UGGT2: variants seen among roughly 807,000 people sequenced by gnomAD.
UGGT2 encodes UDP-glucose:glycoprotein glucosyltransferase 2.
A neutral mutation model predicts 192.1 loss-of-function variants in UGGT2; 180 were observed. That is an observed-to-expected ratio of 0.94 (90% confidence interval 0.83 to 1.06). The LOEUF is 1.06. Among genes scored for constraint, UGGT2 ranks in the 50% least tolerant of loss-of-function variants. The pLI is 0.00. For missense variants in UGGT2, 1,849 were observed against 1,795.7 expected (o/e 1.03, Z -0.54); for synonymous variants, 580 against 591.0 (o/e 0.98, Z 0.27).
chr13:95,812,963 A>G (rs1884652820), intron 38 of UGGT2, among the ~76,000 whole-genome samples: 1 of 152,204 alleles, frequency 6.6e-6, no homozygotes, highest in African/African-American at 2.4e-5. Flanking sequence ...ATTGTATAGT[A>G]TGTGAATTAT....
rs1594513197 is a variant in UGGT2, at chr13:95,986,319, A to G, written c.1031+14T>C. 6.5e-7 allele frequency: 1 copy of G among 1,531,564 alleles called. No individual in the cohort carries two copies. Among genetic ancestry groups the G allele is most frequent in the Non-Finnish European group, 9.0e-7 (1 of 1,110,236 alleles). The allele number at this position is 1,531,564 out of a possible 1,614,324, so 94.9% of individuals were successfully genotyped here. On this transcript the variant is annotated intron_variant, in intron 9 of 38. Coordinates refer to ENST00000376747, the MANE Select transcript of UGGT2 (RefSeq NM_020121.4). ...GAGTTATAGCTGCAATGAAACCTAT[A>G]AACTTTAACATACCTGGCTTTTATG...
At chr13:95,927,833 C>T (rs1320519456) in intron 17 of UGGT2, among the ~76,000 whole-genome samples, 1 of 152,008 alleles carries the variant, frequency 6.6e-6, no homozygotes, top group Non-Finnish European at 1.5e-5. Flanking sequence ...TGTTTGTGTC[C>T]CTGGGTACTT....
intron 27 of UGGT2, among the ~76,000 whole-genome samples, chr13:95,881,881 A>T (rs549001329): frequency 6.6e-6 from 1 of 150,842 alleles, no homozygotes; most frequent in South Asian, 2.1e-4. Context: ...ACACATCTGA[A>T]CTCCAGGTAA....
rs759693898 is a variant in UGGT2 at position 95,970,276 on chromosome 13, GA to G, written c.1185-15del. The stretch of plus-strand genomic sequence containing the variant: ...ATATCCAAAATACTATATATTCAAA[GA>G]AAAAACAGTTTTATTTTGATTTTCC... On this transcript the variant is annotated splice_polypyrimidine_tract_variant and intron_variant, in intron 11 of 38. Coordinates refer to ENST00000376747, the MANE Select transcript of UGGT2 (RefSeq NM_020121.4). 1.4e-5 allele frequency: 22 copies of G among 1,566,004 alleles called. No homozygotes were observed. The highest frequency in any genetic ancestry group is 4.5e-5 in the East Asian group (2 of 44,190).
intron 10 of UGGT2, among the ~76,000 whole-genome samples, chr13:95,982,594 C>T (rs1237908840): frequency 6.6e-6 from 1 of 152,092 alleles, no homozygotes; most frequent in Non-Finnish European, 1.5e-5. Flanking sequence ...TTGTAAAATC[C>T]AGTGCACTCT....
chr13:95,840,723 A>G (rs1278301394), intron 36 of UGGT2, among the ~76,000 whole-genome samples: 1 of 152,206 alleles, frequency 6.6e-6, no homozygotes, highest in African/African-American at 2.4e-5. Flanking sequence ...AGGATGATAA[A>G]TCATTCTACT....
chr13:95,802,959 G>A (rs1202303463), intron 38 of UGGT2, among the ~76,000 whole-genome samples: 2 of 152,068 alleles, frequency 1.3e-5, no homozygotes, highest in South Asian at 2.1e-4. Flanking sequence ...TCAGCCTCCC[G>A]AGTAGCTGGG....
intron 5 of UGGT2, 108 bp downstream of exon 5, chr13:96,013,199 T>A: frequency 8.9e-7 from 1 of 1,119,164 alleles, no homozygotes; most frequent in Non-Finnish European, 1.2e-6. Context: ...TAAAAAAAGT[T>A]AGATAACTAT....
intron 17 of UGGT2, among the ~76,000 whole-genome samples, chr13:95,929,982 G>C (rs947527686): frequency 6.6e-6 from 1 of 152,104 alleles, no homozygotes; most frequent in Non-Finnish European, 1.5e-5. Flanking sequence ...ATTCTAAATG[G>C]TACGAGATGG....
chr13:95,975,924 G>T (rs2050923481), intron 10 of UGGT2, among the ~76,000 whole-genome samples: 1 of 152,074 alleles, frequency 6.6e-6, no homozygotes, highest in African/African-American at 2.4e-5. Flanking sequence ...GGGTAATTGG[G>T]ATATCCATCA....
chr13:95,972,441 A>G, intron 11 of UGGT2, 139 bp downstream of exon 11: 1 of 767,174 alleles, frequency 1.3e-6, no homozygotes, highest in South Asian at 1.9e-5. Context: ...CCATTTTGGT[A>G]GAAGAAAGCT....
intron 10 of UGGT2, among the ~76,000 whole-genome samples, chr13:95,979,755 A>T (rs1350395228): frequency 6.6e-6 from 1 of 152,120 alleles, no homozygotes; most frequent in Admixed American, 6.6e-5. Flanking sequence ...TACACATCCG[A>T]AAAAGGACTA....
At chr13:95,967,442 A>C in intron 12 of UGGT2, among the ~76,000 whole-genome samples, 1 of 142,424 alleles carries the variant, frequency 7.0e-6, no homozygotes, top group East Asian at 2.1e-4. Flanking sequence ...GTGAGCCACC[A>C]CGCCCAGCCC....
In UGGT2 at chr13:95,972,636, A is replaced by G; in HGVS notation, c.1128T>C (p.Asp376=). 6.2e-7 allele frequency: 1 copy of G among 1,613,872 alleles called. No homozygotes were observed. The highest frequency in any genetic ancestry group is 8.5e-7 in the Non-Finnish European group (1 of 1,179,846). Residue 376 remains aspartate, a synonymous_variant, in exon 11 of 39, where the codon GAT becomes GAC. Coordinates refer to ENST00000376747, the MANE Select transcript of UGGT2 (RefSeq NM_020121.4). ...GAAGGCCATTTATAAATAGACGAGCATCGCCTGGCTGAATTTTAAATCTAA... is the reference window on the plus strand; with the variant it reads ...GAAGGCCATTTATAAATAGACGAGCGTCGCCTGGCTGAATTTTAAATCTAA... The part of the protein sequence containing the change: ...LQVRFKIQPG[D]ARLFINGLRV...
chr13:95,856,282 C>T lies in UGGT2; in HGVS notation c.3884G>A (p.Arg1295Lys). Reference protein sequence around the residue: ...YGFRYELVQYRWPRWLRQQTE... With the variant: ...YGFRYELVQYKWPRWLRQQTE... ...CTGTTGACGAAGCCAACGGGGCCACCTATATTGAACTAGTTCATATCGGAA... is the reference window on the plus strand; with the variant it reads ...CTGTTGACGAAGCCAACGGGGCCACTTATATTGAACTAGTTCATATCGGAA... Residue 1295 changes from arginine (R) to lysine (K), a missense_variant, in exon 34 of 39, where the codon AGG becomes AAG. Transcript: ENST00000376747. 1 of 1,613,518 alleles carries T rather than the reference C, an allele frequency of 6.2e-7. No homozygotes were observed. The highest frequency in any genetic ancestry group is 8.5e-7 in the Non-Finnish European group (1 of 1,179,790).
intron 16 of UGGT2, among the ~76,000 whole-genome samples, chr13:95,937,781 A>C (rs927201002): frequency 6.6e-5 from 10 of 152,218 alleles, no homozygotes; most frequent in African/African-American, 1.2e-4. Context: ...AGAGAGATAA[A>C]ATAGAGAAAG....
intron 5 of UGGT2, among the ~76,000 whole-genome samples, chr13:96,000,664 A>G (rs2051770712): frequency 6.6e-6 from 1 of 152,344 alleles, no homozygotes; most frequent in East Asian, 1.9e-4. Context: ...ATCTTGTTAT[A>G]GTTCATAAAA....
In UGGT2 at chr13:95,970,228, T is replaced by A; in HGVS notation, c.1219A>T (p.Met407Leu). Residue 407 changes from methionine (M) to leucine (L), a missense_variant, in exon 12 of 39, where the codon ATG becomes TTG. Coordinates refer to ENST00000376747, the MANE Select transcript of UGGT2 (RefSeq NM_020121.4). ...LDMLKLEGKM[M>L]NGLRNLGING... ...ATCCCAAGATTGCGAAGGCCATTCA[T>A]CATTTTTCCTTCTAATTTCAGCATA... is the stretch of plus-strand genomic sequence containing the variant. The A allele has an allele frequency of 1.2e-6, 2 of 1,612,998 alleles. No individual in the cohort carries two copies. The highest frequency in any genetic ancestry group is 1.7e-5 in the Admixed American group (1 of 59,906).
In UGGT2 at chr13:95,927,070, T is replaced by C; in HGVS notation, c.2158A>G (p.Ser720Gly). Residue 720 changes from serine (S) to glycine (G), a missense_variant, in exon 19 of 39, where the codon AGT (serine) becomes GGT (glycine). Ser to Gly is a moderately conservative substitution (Grantham distance 56). Transcript: ENST00000376747. ...TFFFLDSQDK[S>G]AVIAKNMYYL... ...TACATGTTCTTTGCAATTACAGCAC[T>C]CTTATCTTGTGAATCCAAGAAAAAG... The C allele has an allele frequency of 6.8e-6, 11 of 1,611,500 alleles. No homozygotes were observed. Among genetic ancestry groups the C allele is most frequent in the Non-Finnish European group, 9.3e-6 (11 of 1,179,258 alleles).
Sources: allele counts gnomAD v4.1 joint callset (sites outside exome capture counted in the v4.1 genomes callset), GRCh38; gene constraint gnomAD v4.1.1; transcripts MANE v1.5; gene names NCBI Gene and HGNC (gene_info 2026-07-23, HGNC 2026-07-21).